The following CSMD2 variants were observed in gnomAD, a reference collection of about 807,000 sequenced individuals.
The protein encoded by CSMD2 is CUB and Sushi multiple domains 2.
Under a neutral mutation model 398.5 loss-of-function variants are expected in CSMD2, and 130 were observed. The observed-to-expected ratio is 0.33, with a 90% CI of 0.28 to 0.38. The LOEUF (loss-of-function observed/expected upper bound fraction) is 0.38, where lower values mean the gene tolerates loss of function less well. CSMD2 is among the 10% of genes least tolerant of loss of function. The pLI is 1.00. For missense variants in CSMD2, 3,829 were observed against 4,764.9 expected (o/e 0.80, Z 5.78); for synonymous variants, 1,828 against 1,908.5 (o/e 0.96, Z 1.10).
chr1:34,071,025 A>C (rs763697071), intron 2 of CSMD2, among the ~76,000 whole-genome samples: 1 of 143,878 alleles, frequency 7.0e-6, no homozygotes, highest in Non-Finnish European at 1.5e-5. Context: ...TTGGGTTAAA[A>C]TAATCAAATT....
rs545727776 is a variant in CSMD2, at chr1:33,715,784, A to G, written c.3217+502T>C. Among the ~76,000 whole-genome samples, 3 of 152,336 alleles carry G rather than the reference A, an allele frequency of 2.0e-5. No individual in the cohort carries two copies. In the East Asian group the frequency reaches 5.8e-4, roughly 29 times the overall value. On this transcript the variant is annotated intron_variant, in intron 20 of 70. Transcript: ENST00000373381. ...GGGTCCTCTTTTCTCCCTGAATGCC[A>G]AATAAAAGCACTTTCTTTTCCAAAT...
intron 3 of CSMD2, among the ~76,000 whole-genome samples, chr1:33,979,922 G>A (rs1028317127): frequency 2.4e-4 from 37 of 152,182 alleles, no homozygotes; most frequent in African/African-American, 8.9e-4. Context: ...TATAAAGATT[G>A]ACTATTGTTA....
chr1:33,908,612 T>C (rs1643266611), intron 5 of CSMD2, among the ~76,000 whole-genome samples: 2 of 152,270 alleles, frequency 1.3e-5, no homozygotes, highest in East Asian at 1.9e-4. Context: ...GCAGAGCCGC[T>C]GTGCCCACTG....
At chr1:34,100,374 T>C (rs545318799) in intron 1 of CSMD2, among the ~76,000 whole-genome samples, 3 of 152,312 alleles carry the variant, frequency 2.0e-5, no homozygotes, top group Non-Finnish European at 4.4e-5. Flanking sequence ...TGGGAGAATT[T>C]TGATTATTTC....
intron 54 of CSMD2, among the ~76,000 whole-genome samples, chr1:33,558,937 G>A (rs1658293937): frequency 6.6e-6 from 1 of 152,172 alleles, no homozygotes; most frequent in Admixed American, 6.5e-5. Context: ...ATCTCGTGGA[G>A]CAGCTGCAGA....
chr1:33,813,777 T>TC (rs1335757341), intron 9 of CSMD2, among the ~76,000 whole-genome samples: 1 of 152,144 alleles, frequency 6.6e-6, no homozygotes, highest in East Asian at 1.9e-4. Flanking sequence ...CCCATCCTGT[T>TC]CCATGCTGCC....
rs748356642 is a variant in CSMD2 at position 34,163,050 on chromosome 1, G to A, written c.187+1861C>T. On this transcript the variant is annotated intron_variant, in intron 1 of 70. Coordinates refer to ENST00000373381, the MANE Select transcript of CSMD2 (RefSeq NM_001281956.2). This position sits in a 1 kb window ranked among gnomAD's most constrained non-coding sequence, Gnocchi z 5.4. ...GGGCAGGATTCCAGCACCGCTGAGC[G>A]GTGCAAGCGCCGGTGAGTCGGCCTT... is the stretch of plus-strand genomic sequence containing the variant. 6.6e-5 allele frequency among the ~76,000 whole-genome samples: 10 copies of A among 152,220 alleles called. No homozygotes were observed. The highest frequency in any genetic ancestry group is 1.5e-4 in the Non-Finnish European group (10 of 68,028).
intron 4 of CSMD2, among the ~76,000 whole-genome samples, chr1:33,934,377 A>ATACAAGAGCCAAAACAATTCCCATC (rs1644402706): frequency 6.6e-6 from 1 of 152,228 alleles, no homozygotes; most frequent in African/African-American, 2.4e-5. Context: ...ATTTGGCAAA[A>ATACAAGAGCCAAAACAATTCCCATC]TGATGCAAAT....
intron 25 of CSMD2, among the ~76,000 whole-genome samples, chr1:33,687,628 A>T (rs537320221): frequency 2.0e-4 from 30 of 152,322 alleles, no homozygotes; most frequent in African/African-American, 6.3e-4. Flanking sequence ...TTTTATGTAA[A>T]AGAAATATAG....
chr1:34,109,843 G>T (rs1660874077), intron 1 of CSMD2, among the ~76,000 whole-genome samples: 1 of 151,792 alleles, frequency 6.6e-6, no homozygotes, highest in Non-Finnish European at 1.5e-5. Flanking sequence ...TTCAAGACCA[G>T]TCTGGCCAAC....
intron 2 of CSMD2, 124 bp downstream of exon 2, chr1:34,088,853 G>A: frequency 1.3e-6 from 1 of 770,900 alleles, no homozygotes; most frequent in Non-Finnish European, 2.2e-6. Flanking sequence ...GTTGAGGGAG[G>A]ACATCATGAA....
chr1:33,541,459 T>C lies in CSMD2; in HGVS notation c.9278-150A>G, dbSNP rs937878695. 59 of 649,620 alleles carry C rather than the reference T, an allele frequency of 9.1e-5. No individual in the cohort carries two copies. In the South Asian group the frequency reaches 1.1e-3, roughly 12 times the overall value. The allele number at this position is 649,620 out of a possible 1,614,324, so 40.2% of individuals were successfully genotyped here. A position where few individuals can be genotyped will look rare whatever the true frequency, so the allele number is the denominator to read the frequency against. ...TCCTCACAGGATCCCAGTTGGACAT[T>C]ACCCATTCTAAATTTCTTTTTTTTT... On this transcript the variant is annotated intron_variant, in intron 58 of 70. Coordinates refer to ENST00000373381, the MANE Select transcript of CSMD2 (RefSeq NM_001281956.2).
chr1:33,870,432 C>A (rs546322519), intron 5 of CSMD2: 1 of 152,144 alleles, frequency 6.6e-6, no homozygotes, highest in African/African-American at 2.4e-5. Flanking sequence ...CAGGTTGGCC[C>A]TGACCTCTGG....
intron 3 of CSMD2, among the ~76,000 whole-genome samples, chr1:33,977,742 G>T (rs557024616): frequency 4.6e-4 from 70 of 152,176 alleles, no homozygotes; most frequent in Non-Finnish European, 8.5e-4. Context: ...TGGAATAAGA[G>T]CCCAAGAAAC....
chr1:33,769,304 G>A (rs1209663510), intron 13 of CSMD2, among the ~76,000 whole-genome samples: 2 of 152,182 alleles, frequency 1.3e-5, no homozygotes, highest in Non-Finnish European at 2.9e-5. Flanking sequence ...AATTTCCTAG[G>A]CAGAGACTGA....
intron 48 of CSMD2, among the ~76,000 whole-genome samples, chr1:33,579,029 T>G (rs1049385150): frequency 1.3e-5 from 2 of 152,226 alleles, no homozygotes; most frequent in Admixed American, 6.5e-5. Flanking sequence ...TACACTCATC[T>G]ACTCGATCTG....
chr1:33,761,647 T>C (rs2149303112), intron 13 of CSMD2, among the ~76,000 whole-genome samples: 1 of 152,200 alleles, frequency 6.6e-6, no homozygotes. Context: ...GCCCCTGAGC[T>C]CTGTTAGAGA....
chr1:34,092,457 G>C (rs1558372142), intron 1 of CSMD2, among the ~76,000 whole-genome samples: 1 of 152,284 alleles, frequency 6.6e-6, no homozygotes, highest in Non-Finnish European at 1.5e-5. Flanking sequence ...GCGTGAGCGA[G>C]GCAGAAGAGG....
intron 3 of CSMD2, among the ~76,000 whole-genome samples, chr1:33,986,006 T>A (rs1646346723): frequency 6.6e-6 from 1 of 152,082 alleles, no homozygotes; most frequent in South Asian, 2.1e-4. Context: ...GATGCTCCAT[T>A]AATAAGTCTG....
Sources: allele counts gnomAD v4.1 joint callset (sites outside exome capture counted in the v4.1 genomes callset), GRCh38; gene constraint gnomAD v4.1.1; non-coding constraint Gnocchi (gnomAD v3.1); transcripts MANE v1.5; gene names NCBI Gene and HGNC (gene_info 2026-07-23, HGNC 2026-07-21).